SLC14A2: variants seen among roughly 807,000 people sequenced by gnomAD.
The protein encoded by SLC14A2 is urea transporter 2.
In SLC14A2, 91 loss-of-function variants were observed where a neutral mutation model predicts 104.6. The ratio of observed to expected loss-of-function variants is 0.87; its 90% CI spans 0.73 to 1.04. The LOEUF is 1.04. Ranked by LOEUF, SLC14A2 falls within the 50% of genes least tolerant of loss-of-function variation. The pLI is 0.00. For synonymous variants in SLC14A2, 476 were observed against 466.4 expected (o/e 1.02, Z -0.27); for missense variants, 1,189 against 1,156.0 (o/e 1.03, Z -0.41).
intron 10 of SLC14A2, among the ~76,000 whole-genome samples, chr18:45,662,145 A>T (rs2045946296): frequency 6.6e-6 from 1 of 152,182 alleles, no homozygotes. Flanking sequence ...TCTACCAAAA[A>T]TAGAAAAATT....
chr18:45,207,485 G>T, the SLC14A2 span, among the ~76,000 whole-genome samples: 1 of 151,734 alleles, frequency 6.6e-6, no homozygotes, highest in Admixed American at 6.6e-5. Context: ...GAAAAGGGGA[G>T]GGGAAAAATA....
rs1292911943 is a variant in SLC14A2 at position 45,433,456 on chromosome 18, T to A, written c.-124-49777T>A. 3.9e-5 allele frequency among the ~76,000 whole-genome samples: 6 copies of A among 152,194 alleles called. No individual in the cohort carries two copies. In the East Asian group the frequency reaches 1.2e-3, roughly 29 times the overall value. ...GAGAGGTATCTCAAAGGCATTCAAC[T>A]TTCTCCAATCCTCCAGATGGACATG... On this transcript the variant is annotated intron_variant, in intron 1 of 20. Coordinates refer to the SLC14A2 transcript ENST00000586448.
intron 1 of SLC14A2, among the ~76,000 whole-genome samples, chr18:45,449,485 G>A (rs188564342): frequency 5.4e-4 from 82 of 152,188 alleles, no homozygotes; most frequent in Non-Finnish European, 9.7e-4. Context: ...TGCGCCCGGG[G>A]AAAGACGATG....
chr18:45,675,027 T>C lies in SLC14A2; in HGVS notation c.2512+1210T>C, dbSNP rs144841790. Among the ~76,000 whole-genome samples the C allele has an allele frequency of 8.1e-3, 1,232 of 152,274 alleles. 19 individuals are homozygous for C. Among genetic ancestry groups the C allele is most frequent in the African/African-American group, 0.028 (1,167 of 41,560 alleles). On this transcript the variant is annotated intron_variant, in intron 18 of 19. Coordinates refer to ENST00000255226, the MANE Select transcript of SLC14A2 (RefSeq NM_007163.4). ...CTAGGTCTTCCTCCATCCGAACTCA[T>C]TAAACTCCCCACCCCCTTTCCCAGC...
intron 1 of SLC14A2, among the ~76,000 whole-genome samples, chr18:45,223,020 A>G (rs1408709227): frequency 6.6e-6 from 1 of 152,186 alleles, no homozygotes; most frequent in Middle Eastern, 3.2e-3. Context: ...CTTGACCTTC[A>G]TCCTTATCAC....
At chr18:45,176,140 G>A in the SLC14A2 span, among the ~76,000 whole-genome samples, 1 of 152,132 alleles carries the variant, frequency 6.6e-6, no homozygotes, top group African/African-American at 2.4e-5. Context: ...GAATGAGCTT[G>A]CCCACTCGAA....
chr18:45,252,212 A>G (rs1490138574), intron 1 of SLC14A2, among the ~76,000 whole-genome samples: 2 of 152,186 alleles, frequency 1.3e-5, no homozygotes, highest in Non-Finnish European at 2.9e-5. Context: ...TTCTTCATGA[A>G]AAAGCCCAGG....
At chr18:45,174,826 G>A in the SLC14A2 span, among the ~76,000 whole-genome samples, 3 of 152,210 alleles carry the variant, frequency 2.0e-5, no homozygotes, top group East Asian at 5.8e-4. Flanking sequence ...TATGAACAGA[G>A]AGCTAACAGA....
chr18:45,624,738 T>A lies in SLC14A2; in HGVS notation c.74T>A (p.Phe25Tyr), dbSNP rs2045232651. ...AGATACAAACTCTACGAGGCAGAGT[T>A]TACCAGCCCGAGCTGGCCCTCGACA... ...SSRYKLYEAE[F>Y]TSPSWPSTSP... Residue 25 changes from phenylalanine to tyrosine, a missense_variant, in exon 2 of 20, where the codon TTT (phenylalanine) becomes TAT (tyrosine). Phe to Tyr is a conservative substitution (Grantham distance 22, BLOSUM62 3). Transcript: ENST00000255226. 3 of 1,613,494 alleles carry A rather than the reference T, an allele frequency of 1.9e-6. No homozygotes were observed. The highest frequency in any genetic ancestry group is 1.3e-5 in the African/African-American group (1 of 75,008).
rs184736976 is a variant in SLC14A2 at position 45,570,916 on chromosome 18, G to C, written c.-34-53715G>C. 3.1e-3 allele frequency among the ~76,000 whole-genome samples: 472 copies of C among 152,320 alleles called. 2 individuals are homozygous for C. The highest frequency in any genetic ancestry group is 0.011 in the African/African-American group (450 of 41,568). ...ATTGTTGCTCTGTGTTGAGTCCCAA[G>C]TGCTTACAGTAGTGCCATGCATGTA... On this transcript the variant is annotated intron_variant, in intron 2 of 20. Transcript: ENST00000586448.
chr18:45,461,567 C>A (rs1346519539), intron 1 of SLC14A2, among the ~76,000 whole-genome samples: 1 of 152,156 alleles, frequency 6.6e-6, no homozygotes, highest in Admixed American at 6.5e-5. Context: ...ATCAAAGTGC[C>A]TAGAATAGTT....
chr18:45,211,540 C>T (rs563522136), upstream of SLC14A2, among the ~76,000 whole-genome samples: 2 of 152,042 alleles, frequency 1.3e-5, no homozygotes, highest in Non-Finnish European at 2.9e-5. Flanking sequence ...CCATTCTACC[C>T]TCTTCTCTTC....
chr18:45,221,103 CAT>C (rs2084057736), intron 1 of SLC14A2, among the ~76,000 whole-genome samples: 1 of 152,182 alleles, frequency 6.6e-6, no homozygotes, highest in Non-Finnish European at 1.5e-5. Context: ...CAGGCTTCAA[CAT>C]ATGAATTTGT....
intron 1 of SLC14A2, among the ~76,000 whole-genome samples, chr18:45,389,178 C>T (rs977813898): frequency 3.9e-5 from 6 of 152,184 alleles, no homozygotes; most frequent in South Asian, 2.1e-4. Context: ...CCTTTCTGAC[C>T]AGCTATTGGG....
In SLC14A2 at chr18:45,515,774, C is replaced by A. The variant is rs149495727; in HGVS notation, c.-35+32452C>A. Among the ~76,000 whole-genome samples, 149 of 152,334 alleles carry A rather than the reference C, an allele frequency of 9.8e-4. 1 individual carries two copies. The highest frequency in any genetic ancestry group is 3.2e-3 in the African/African-American group (135 of 41,578). Reference sequence around the variant, plus strand: ...GGGCAAAGGAACGAATTGGTGCAATCATTGGGTTTGTACTTCAGAAAACCA... The same window carrying A: ...GGGCAAAGGAACGAATTGGTGCAATAATTGGGTTTGTACTTCAGAAAACCA... On this transcript the variant is annotated intron_variant, in intron 2 of 20. Coordinates refer to the SLC14A2 transcript ENST00000586448.
chr18:45,632,281 A>G, intron 4 of SLC14A2, 69 bp from the exon 5 acceptor site: 1 of 1,554,878 alleles, frequency 6.4e-7, no homozygotes, highest in African/African-American at 1.4e-5. Flanking sequence ...ATATCCTCAG[A>G]GCACCAGGAG....
chr18:45,217,966 T>C (rs2084025469), intron 1 of SLC14A2, among the ~76,000 whole-genome samples: 1 of 152,206 alleles, frequency 6.6e-6, no homozygotes, highest in South Asian at 2.1e-4. Flanking sequence ...ACCCTTCTGA[T>C]CTGTGGGATT....
Position 45,448,253 on chromosome 18 carries a change from C to G in SLC14A2, c.-124-34980C>G, listed in dbSNP as rs191378606. On this transcript the variant is annotated intron_variant, in intron 1 of 20. Transcript: ENST00000586448. ...TTCCCAAAATCTACCATGTTGCTTG[C>G]AGCTTAAACAGCTAATCCAACATTG... 2.0e-5 allele frequency among the ~76,000 whole-genome samples: 3 copies of G among 152,352 alleles called. No individual in the cohort carries two copies. In the East Asian group the frequency reaches 5.8e-4, roughly 29 times the overall value.
chr18:45,296,904 G>C (rs2084923117), intron 1 of SLC14A2, among the ~76,000 whole-genome samples: 1 of 152,004 alleles, frequency 6.6e-6, no homozygotes, highest in Admixed American at 6.6e-5. Flanking sequence ...CATGTTTATT[G>C]TTTCCTTTAT....
Sources: gnomAD v4.1 joint callset for allele counts (sites outside exome capture counted in the v4.1 genomes callset) on GRCh38, gnomAD v4.1.1 for gene constraint, MANE v1.5 for transcripts, NCBI Gene and HGNC (gene_info 2026-07-23, HGNC 2026-07-21) for gene names.